Variants in NUP35 observed in about 807,000 individuals in gnomAD.
NUP35 encodes nucleoporin NUP35.
Under a neutral mutation model 41.5 loss-of-function variants are expected in NUP35, and 25 were observed. That is an observed-to-expected ratio of 0.60 (90% CI 0.44 to 0.84). The LOEUF (loss-of-function observed/expected upper bound fraction) is 0.84. Among genes scored for constraint, NUP35 ranks in the 40% least tolerant of loss-of-function variants. NUP35 has a pLI of 0.00. For synonymous variants in NUP35, 149 were observed against 130.7 expected (o/e 1.14, Z -0.96); for missense variants, 396 against 396.6 (o/e 1.00, Z 0.01).
At chr2:183,153,786 A>G (rs767011516) in intron 5 of NUP35, among the ~76,000 whole-genome samples, 88 of 152,148 alleles carry the variant, frequency 5.8e-4, no homozygotes, top group Non-Finnish European at 1.1e-3. Flanking sequence ...CCCTCTTCTC[A>G]CAGCCCCACT....
At chr2:183,134,782 A>ATT (rs3030669) in intron 4 of NUP35, among the ~76,000 whole-genome samples, 6,328 of 138,666 alleles carry the variant, frequency 0.046, 222 homozygotes, top group South Asian at 0.15. Flanking sequence ...CGCCTGGCTA[A>ATT]TTTTTTTTTT....
At chr2:183,133,760 A>G (rs1684781018) in intron 4 of NUP35, 137 bp downstream of exon 4, 1 of 544,788 alleles carries the variant, frequency 1.8e-6, no homozygotes, top group African/African-American at 2.0e-5. Flanking sequence ...AATGAATTTA[A>G]TATAAAATGT....
At chr2:183,141,546 T>A (rs188118144) in intron 4 of NUP35, among the ~76,000 whole-genome samples, 1 of 152,256 alleles carries the variant, frequency 6.6e-6, no homozygotes, top group East Asian at 1.9e-4. Context: ...CCTTTGTCAG[T>A]GTTTGTACTG....
chr2:183,142,311 CTGCTTTCTCTT>C lies in NUP35; in HGVS notation c.397+8690_397+8700del, dbSNP rs771544375. On this transcript the variant is annotated intron_variant, in intron 4 of 8. Coordinates refer to ENST00000295119, the MANE Select transcript of NUP35 (RefSeq NM_138285.5). Reference sequence around the variant, plus strand: ...TATTTGTTTGATAATTGCTTTCTCTCTGCTTTCTCTTTTCCGTTTTTTGGAATTGCTTGTTT... The same window carrying C: ...TATTTGTTTGATAATTGCTTTCTCTCTTCCGTTTTTTGGAATTGCTTGTTT... Among the ~76,000 whole-genome samples the C allele has an allele frequency of 1.2e-3, 187 of 152,198 alleles. 1 individual carries two copies. Among genetic ancestry groups the C allele is most frequent in the Admixed American group, 4.3e-3 (66 of 15,296 alleles).
At position 183,152,914 on chromosome 2, in the gene NUP35, A is replaced by G. The variant is rs531825624; in HGVS notation, c.539+1265A>G. Among the ~76,000 whole-genome samples the G allele has an allele frequency of 1.1e-4, 16 of 152,330 alleles. No homozygotes were observed. The South Asian group carries it at 2.9e-3, about 28-fold the overall frequency. On this transcript the variant is annotated intron_variant, in intron 5 of 8. Coordinates refer to ENST00000295119, the MANE Select transcript of NUP35 (RefSeq NM_138285.5). ...TGCCATACTGTATTAGTCCCTATTC[A>G]TACTGATAAAGACATATCCGAGACT...
chr2:183,158,788 T>C (rs1005770593), intron 7 of NUP35, among the ~76,000 whole-genome samples: 1 of 152,190 alleles, frequency 6.6e-6, no homozygotes, highest in Non-Finnish European at 1.5e-5. Flanking sequence ...TCAGAATGAA[T>C]TAGTTCATAT....
chr2:183,132,067 A>G (rs1684713050), intron 3 of NUP35, among the ~76,000 whole-genome samples: 1 of 151,982 alleles, frequency 6.6e-6, no homozygotes, highest in Non-Finnish European at 1.5e-5. Context: ...TCTATCACCC[A>G]GACTAGAGTG....
At chr2:183,157,173 T>C (rs1475696935) in intron 5 of NUP35, among the ~76,000 whole-genome samples, 1 of 152,218 alleles carries the variant, frequency 6.6e-6, no homozygotes, top group East Asian at 1.9e-4. Flanking sequence ...ACCTGGATAA[T>C]GGCAACGAGA....
chr2:183,158,451 A>G (rs970975585), intron 7 of NUP35, 40 bp downstream of exon 7: 8 of 1,536,034 alleles, frequency 5.2e-6, no homozygotes, highest in African/African-American at 1.4e-5. Context: ...CTTAATCTAT[A>G]TGAAGAGCAC....
chr2:183,119,723 G>A (rs1288365986), upstream of NUP35, among the ~76,000 whole-genome samples: 2 of 152,064 alleles, frequency 1.3e-5, no homozygotes, highest in Non-Finnish European at 2.9e-5. Context: ...CCAGCTCTGT[G>A]GCCTAGGCTG....
At chr2:183,151,286 C>T (rs1409721875) in intron 4 of NUP35, among the ~76,000 whole-genome samples, 1 of 152,164 alleles carries the variant, frequency 6.6e-6, no homozygotes, top group African/African-American at 2.4e-5. Flanking sequence ...GATAATTTAT[C>T]ATACATAATA....
chr2:183,121,377 CA>C (rs1700064858), upstream of NUP35, among the ~76,000 whole-genome samples: 2 of 152,010 alleles, frequency 1.3e-5, no homozygotes, highest in Non-Finnish European at 2.9e-5. Context: ...GAGAAATTAG[CA>C]CATGGTAGGT....
At position 183,148,417 on chromosome 2, in the gene NUP35, C is replaced by T. The variant is rs1685353200; in HGVS notation, c.398-3091C>T. 2.0e-5 allele frequency among the ~76,000 whole-genome samples: 3 copies of T among 152,280 alleles called. No homozygotes were observed. In the South Asian group the frequency reaches 6.2e-4, roughly 32 times the overall value. ...TATAGAGGTTGTACTAATTTACGTT[C>T]TCACCAACAGTGTATGAGTTCTCTT... is the stretch of plus-strand genomic sequence containing the variant. On this transcript the variant is annotated intron_variant, in intron 4 of 8. Coordinates refer to ENST00000295119, the MANE Select transcript of NUP35 (RefSeq NM_138285.5).
At chr2:183,131,075 G>C (rs931329213) in intron 3 of NUP35, 3 of 434,730 alleles carry the variant, frequency 6.9e-6, no homozygotes, top group Non-Finnish European at 1.4e-5. Context: ...GAACTCCTGG[G>C]TTCAACCAAT....
At chr2:183,117,842 A>G (rs1010322735) in intron 1 of NUP35, among the ~76,000 whole-genome samples, 1 of 152,160 alleles carries the variant, frequency 6.6e-6, no homozygotes, top group Admixed American at 6.5e-5. Flanking sequence ...TTATTGAAAA[A>G]TTTTTAAAAT....
At chr2:183,126,642 G>GTTTTTTTT in intron 1 of NUP35, among the ~76,000 whole-genome samples, 1 of 145,756 alleles carries the variant, frequency 6.9e-6, no homozygotes, top group Non-Finnish European at 1.5e-5. Flanking sequence ...TATTGAATTT[G>GTTTTTTTT]TTTTTTTTTT....
At chr2:183,124,601 C>T (rs1001386548) in intron 1 of NUP35, 104 bp downstream of exon 1, 1 of 1,470,292 alleles carries the variant, frequency 6.8e-7, no homozygotes, top group Non-Finnish European at 9.5e-7. Flanking sequence ...CTGCTGGTTT[C>T]AGTCGCGGAG....
At chr2:183,138,268 TA>T (rs1260013769) in intron 4 of NUP35, among the ~76,000 whole-genome samples, 997 of 55,594 alleles carry the variant, frequency 0.018, 3 homozygotes, top group African/African-American at 0.026. Context: ...TATATATATA[TA>T]TTTTTTTTTT....
At chr2:183,134,136 T>G (rs16824025) in intron 4 of NUP35, among the ~76,000 whole-genome samples, 6,910 of 152,298 alleles carry the variant, frequency 0.045, 246 homozygotes, top group South Asian at 0.15. Context: ...TTCTTTAAGA[T>G]TAATGGCTTT....
Sources: allele counts gnomAD v4.1 joint callset (sites outside exome capture counted in the v4.1 genomes callset), GRCh38; gene constraint gnomAD v4.1.1; transcripts MANE v1.5; gene names NCBI Gene and HGNC (gene_info 2026-07-23, HGNC 2026-07-21).